ELL2: variants seen among roughly 807,000 people sequenced by gnomAD.
The protein encoded by ELL2 is RNA polymerase II elongation factor ELL2.
ELL2 carries 21 observed loss-of-function variants against 72.8 expected under a neutral mutation model. That is an observed-to-expected ratio of 0.29 (90% CI 0.20 to 0.42). The LOEUF is 0.42. Among genes scored for constraint, ELL2 ranks in the 10% least tolerant of loss-of-function variants. The pLI is 1.00. For synonymous variants in ELL2, 266 were observed against 283.2 expected (o/e 0.94, Z 0.61); for missense variants, 568 against 772.8 (o/e 0.73, Z 3.14).
chr5:95,923,743 T>C (rs572901273), intron 2 of ELL2, among the ~76,000 whole-genome samples: 24 of 152,320 alleles, frequency 1.6e-4, no homozygotes, highest in African/African-American at 5.1e-4. Context: ...ATGCAGATGG[T>C]ATGGTCTGAG....
Position 95,887,518 on chromosome 5 carries a change from C to T in ELL2, c.*1353G>A, listed in dbSNP as rs995697691. 6.6e-6 allele frequency: 1 copy of T among 152,558 alleles called. No homozygotes were observed. Among genetic ancestry groups the T allele is most frequent in the African/African-American group, 2.4e-5 (1 of 41,416 alleles). 9.5% of individuals were successfully genotyped at this position (152,558 alleles called of 1,614,324 possible). On this transcript the variant is annotated 3_prime_UTR_variant, in exon 12 of 12. Transcript: ENST00000237853. Reference sequence around the variant, plus strand: ...CTGGCAGCACTTTGAAAAGACAATACAATAAGACAATACAACTTGAATCAA... The same window carrying T: ...CTGGCAGCACTTTGAAAAGACAATATAATAAGACAATACAACTTGAATCAA...
At chr5:95,889,276 C>A in intron 10 of ELL2, 146 bp from the exon 11 acceptor site, 1 of 672,668 alleles carries the variant, frequency 1.5e-6, no homozygotes, top group Non-Finnish European at 2.5e-6. Flanking sequence ...GGCAATGTGG[C>A]AACAGCTATC....
At chr5:95,960,059 C>T (rs778720253) in intron 1 of ELL2, among the ~76,000 whole-genome samples, 4 of 152,124 alleles carry the variant, frequency 2.6e-5, no homozygotes, top group East Asian at 1.9e-4. Context: ...ACTCTGCCTT[C>T]GCTCTATGTA....
At chr5:95,929,795 C>A (rs1160839972) in intron 2 of ELL2, among the ~76,000 whole-genome samples, 5 of 146,292 alleles carry the variant, frequency 3.4e-5, no homozygotes, top group Non-Finnish European at 6.0e-5. Context: ...AAAAAAAAAA[C>A]AACAAAAAAC....
At chr5:95,889,991 A>G (rs1196645480) in intron 10 of ELL2, among the ~76,000 whole-genome samples, 6 of 152,146 alleles carry the variant, frequency 3.9e-5, no homozygotes, top group African/African-American at 9.7e-5. Flanking sequence ...TTTATTCCTC[A>G]TAACTCAATG....
intron 8 of ELL2, among the ~76,000 whole-genome samples, chr5:95,896,955 A>C (rs1748899291): frequency 6.6e-6 from 1 of 152,178 alleles, no homozygotes. Flanking sequence ...GTGGCTTATG[A>C]ACTCTGAACA....
At chr5:95,918,032 A>G (rs1393933003) in intron 3 of ELL2, among the ~76,000 whole-genome samples, 1 of 152,214 alleles carries the variant, frequency 6.6e-6, no homozygotes, top group Non-Finnish European at 1.5e-5. Flanking sequence ...TAGCCTAGCC[A>G]CTAACTAACC....
Position 95,890,921 on chromosome 5 carries a change from G to T in ELL2, c.1761+182C>A, listed in dbSNP as rs572050163. 1.7e-5 allele frequency: 12 copies of T among 699,018 alleles called. No homozygotes were observed. In the East Asian group the frequency reaches 2.5e-4, roughly 15 times the overall value. 43.3% of individuals were successfully genotyped at this position (699,018 alleles called of 1,614,324 possible). A position where few individuals can be genotyped will look rare whatever the true frequency, so the allele number is the denominator to read the frequency against. On this transcript the variant is annotated intron_variant, in intron 10 of 11. Transcript: ENST00000237853. ...TTTTTTTCCACTGGTAGAAATACAG[G>T]TTTACTATGTTAATTTATTTTCAAG...
Position 95,906,517 on chromosome 5 carries a change from C to T in ELL2, c.741+6G>A, listed in dbSNP as rs749317346. On this transcript the variant is annotated splice_donor_region_variant and intron_variant, in intron 5 of 11. Coordinates refer to ENST00000237853, the MANE Select transcript of ELL2 (RefSeq NM_012081.6). ...GCAGGAAGGACCTCTCTCCAGCTGT[C>T]CTCACCTGTTGCAGAATTGCTCCCA... 2 of 1,607,114 alleles carry T rather than the reference C, an allele frequency of 1.2e-6. No individual in the cohort carries two copies.
chr5:95,889,897 G>C (rs1419036282), intron 10 of ELL2, among the ~76,000 whole-genome samples: 1 of 134,514 alleles, frequency 7.4e-6, no homozygotes, highest in Non-Finnish European at 1.6e-5. Flanking sequence ...GAGGGGGGGA[G>C]TCAGGTGCCT....
At position 95,888,054 on chromosome 5, in the gene ELL2, G is replaced by C. The variant is rs1748522872; in HGVS notation, c.*817C>G. 1 of 152,560 alleles carries C rather than the reference G, an allele frequency of 6.6e-6. No homozygotes were observed. The highest frequency in any genetic ancestry group is 1.5e-5 in the Non-Finnish European group (1 of 68,026). The allele number at this position is 152,560 out of a possible 1,614,324, so 9.5% of individuals were successfully genotyped here. A position where few individuals can be genotyped will look rare whatever the true frequency, so the allele number is the denominator to read the frequency against. ...TTAACCTGAGCGTTTGGCCTACTAG[G>C]AGTAGCAGCTTTTTTTCCTTCATGC... On this transcript the variant is annotated 3_prime_UTR_variant, in exon 12 of 12. Coordinates refer to ENST00000237853, the MANE Select transcript of ELL2 (RefSeq NM_012081.6).
At position 95,900,676 on chromosome 5, in the gene ELL2, C is replaced by T. The variant is rs1288935519; in HGVS notation, c.954+17G>A. 1 of 1,542,918 alleles carries T rather than the reference C, an allele frequency of 6.5e-7. No individual in the cohort carries two copies. The highest frequency in any genetic ancestry group is 8.8e-7 in the Non-Finnish European group (1 of 1,138,198). On this transcript the variant is annotated intron_variant, in intron 7 of 11. Coordinates refer to ENST00000237853, the MANE Select transcript of ELL2 (RefSeq NM_012081.6). ...TAATATCTATGTCAGGTCTATAATT[C>T]TATGTTTATGACATACCTGAGGAGA...
chr5:95,959,949 C>CTAA (rs1751752775), intron 1 of ELL2, among the ~76,000 whole-genome samples: 1 of 152,174 alleles, frequency 6.6e-6, no homozygotes, highest in Non-Finnish European at 1.5e-5. Flanking sequence ...GCGTGCACAA[C>CTAA]TAATGCCTTC....
intron 5 of ELL2, among the ~76,000 whole-genome samples, chr5:95,904,389 T>C (rs1426703947): frequency 6.6e-6 from 1 of 152,214 alleles, no homozygotes; most frequent in Non-Finnish European, 1.5e-5. Context: ...AAATTTAGTT[T>C]TTCCATAAAA....
intron 9 of ELL2, among the ~76,000 whole-genome samples, chr5:95,893,907 G>A (rs1432445059): frequency 6.6e-6 from 1 of 152,086 alleles, no homozygotes; most frequent in Non-Finnish European, 1.5e-5. Context: ...ATACAGAAAT[G>A]CACCAAGGCA....
At position 95,885,690 on chromosome 5, in the gene ELL2, A is replaced by G. The variant is rs2112257066; in HGVS notation, c.*3181T>C. The G allele has an allele frequency of 6.6e-6, 1 of 152,366 alleles. No individual in the cohort carries two copies. The highest frequency in any genetic ancestry group is 1.9e-4 in the East Asian group (1 of 5,190). 9.4% of individuals were successfully genotyped at this position (152,366 alleles called of 1,614,324 possible). A position where few individuals can be genotyped will look rare whatever the true frequency, so the allele number is the denominator to read the frequency against. On this transcript the variant is annotated 3_prime_UTR_variant, in exon 12 of 12. Coordinates refer to ENST00000237853, the MANE Select transcript of ELL2 (RefSeq NM_012081.6). The stretch of plus-strand genomic sequence containing the variant: ...ATATGCAAGCAGGCATTTGTTTTAC[A>G]TAAGGTGAAACACTTTATAAGAGAA...
intron 2 of ELL2, among the ~76,000 whole-genome samples, chr5:95,925,579 T>C (rs1490006411): frequency 2.0e-5 from 3 of 152,224 alleles, no homozygotes; most frequent in Non-Finnish European, 4.4e-5. Context: ...AGTCACTCAA[T>C]GCATATTTGT....
chr5:95,960,413 CCTGT>C (rs1454832821), intron 1 of ELL2, among the ~76,000 whole-genome samples: 2 of 151,982 alleles, frequency 1.3e-5, no homozygotes, highest in African/African-American at 4.8e-5. Flanking sequence ...TCGGTGCTTC[CCTGT>C]CTCTCCCATT....
intron 1 of ELL2, among the ~76,000 whole-genome samples, chr5:95,947,769 T>C (rs1341879018): frequency 1.3e-5 from 2 of 152,212 alleles, no homozygotes; most frequent in African/African-American, 2.4e-5. Flanking sequence ...CTCAGTTCTT[T>C]TGGCATTTTG....
Sources: gnomAD v4.1 joint callset for allele counts (sites outside exome capture counted in the v4.1 genomes callset) on GRCh38, gnomAD v4.1.1 for gene constraint, MANE v1.5 for transcripts, NCBI Gene and HGNC (gene_info 2026-07-23, HGNC 2026-07-21) for gene names.